Variants in KCND1 observed in about 807,000 individuals in gnomAD.
KCND1 encodes the protein A-type voltage-gated potassium channel KCND1.
KCND1 carries 11 observed loss-of-function variants against 31.8 expected under a neutral mutation model. The observed-to-expected ratio is 0.35, with a 90% CI of 0.22 to 0.57. The LOEUF is 0.57. KCND1 is among the 20% of genes least tolerant of loss of function. KCND1 has a pLI of 0.85. For synonymous variants in KCND1, 234 were observed against 248.1 expected (o/e 0.94, Z 0.53); for missense variants, 471 against 596.8 (o/e 0.79, Z 2.20).
rs782759048 is a variant in KCND1, at chrX:48,969,755, A to G, written c.517T>C (p.Trp173Arg). ...PAGSSLRQRL[W>R]RAFENPHTST... ...GTGTGTGGATTCTCGAAGGCCCGCCAGAGCCGCTGCCGCAGGGAGCTGCCT... is the reference window on the plus strand; with the variant it reads ...GTGTGTGGATTCTCGAAGGCCCGCCGGAGCCGCTGCCGCAGGGAGCTGCCT... Residue 173 changes from tryptophan (W) to arginine (R), a missense_variant, in exon 1 of 6, where the codon TGG becomes CGG. By Grantham distance (101) the Trp-to-Arg change is moderately radical (BLOSUM62 -3). Around this residue, in one of 3 missense-constraint regions of KCND1, gnomAD observed 212 missense variants for 257.9 expected, o/e 0.82. Coordinates refer to ENST00000218176, the MANE Select transcript of KCND1 (RefSeq NM_004979.6). 2 of 1,207,735 alleles carry G rather than the reference A, an allele frequency of 1.7e-6. No homozygotes were observed. The highest frequency in any genetic ancestry group is 3.5e-5 in the African/African-American group (2 of 57,457).
intron 5 of KCND1, among the ~76,000 whole-genome samples, chrX:48,965,446 CTG>C (rs1356287895): frequency 0.032 from 3,587 of 111,705 alleles, 159 homozygotes; most frequent in African/African-American, 0.11. Context: ...TGTTTATTAA[CTG>C]TCTTATCCCA....
chrX:48,962,500 C>T lies in KCND1; in HGVS notation c.*81G>A. 1 of 742,487 alleles carries T rather than the reference C, an allele frequency of 1.3e-6. No homozygotes were observed. Among genetic ancestry groups the T allele is most frequent in the Non-Finnish European group, 2.0e-6 (1 of 503,386 alleles). The allele number at this position is 742,487 out of a possible 1,213,427, so 61.2% of individuals were successfully genotyped here. On this transcript the variant is annotated 3_prime_UTR_variant, in exon 6 of 6. Coordinates refer to ENST00000218176, the MANE Select transcript of KCND1 (RefSeq NM_004979.6). ...GGCAGAAGGGGTGCCCAAGCCTGCC[C>T]CTCTCTGCCTCCCAAAAATATGGCT... is the stretch of plus-strand genomic sequence containing the variant.
At chrX:48,964,716 G>A (rs1422537605) in intron 5 of KCND1, among the ~76,000 whole-genome samples, 2 of 78,232 alleles carry the variant, frequency 2.6e-5, no homozygotes, top group South Asian at 1.4e-3. Context: ...GCAAAACTTC[G>A]TCTCAAAAAA....
Position 48,967,459 on chromosome X carries a change from G to A in KCND1, c.1122-353C>T, listed in dbSNP as rs191665374. ...GGCCAGCCGAAGGGCTTCAAGTCCC[G>A]GGAGGAGTGTTTTGTTGGTTTTGGC... On this transcript the variant is annotated intron_variant, in intron 1 of 5. Coordinates refer to ENST00000218176, the MANE Select transcript of KCND1 (RefSeq NM_004979.6). 495 of 197,469 alleles carry A rather than the reference G, an allele frequency of 2.5e-3. 1 individual carries two copies. The highest frequency in any genetic ancestry group is 0.013 in the African/African-American group (456 of 34,028). 16.3% of individuals were successfully genotyped at this position (197,469 alleles called of 1,213,427 possible). A position where few individuals can be genotyped will look rare whatever the true frequency, so the allele number is the denominator to read the frequency against.
chrX:48,966,119 T>C lies in KCND1; in HGVS notation c.1654A>G (p.Ser552Gly). The C allele has an allele frequency of 8.3e-7, 1 of 1,210,866 alleles. No individual in the cohort carries two copies. Among genetic ancestry groups the C allele is most frequent in the Non-Finnish European group, 1.1e-6 (1 of 895,319 alleles). The change falls in exon 5 of 6, where the codon AGC (serine) becomes GGC (glycine). Residue 552 changes from serine to glycine, a missense_variant. Around this residue, in one of 3 missense-constraint regions of KCND1, gnomAD observed 185 missense variants for 184.7 expected, o/e 1.00. Coordinates refer to ENST00000218176, the MANE Select transcript of KCND1 (RefSeq NM_004979.6). Reference protein sequence around the residue: ...IRLANSTASVSRGSMQELDML... With the variant: ...IRLANSTASVGRGSMQELDML... ...TCCAGCTCCTGCATGCTGCCACGGC[T>C]GACTGAGGCAGTGGAGTTGGCAAGG...
Position 48,969,725 on chromosome X carries a change from T to G in KCND1, c.547A>C (p.Thr183Pro). 8.3e-7 allele frequency: 1 copy of G among 1,208,666 alleles called. No homozygotes were observed. The highest frequency in any genetic ancestry group is 1.1e-6 in the Non-Finnish European group (1 of 894,328). Residue 183 changes from threonine to proline, a missense_variant, in exon 1 of 6, where the codon ACC (threonine) becomes CCC (proline). Thr to Pro is a conservative substitution (Grantham distance 38). This residue lies in a region of KCND1 where 212 missense variants were observed against 257.9 expected (regional missense o/e 0.82). Transcript: ENST00000218176. ...ACATAGTAGAAAACGAGGGCTGCGG[T>G]GCTCGTGTGTGGATTCTCGAAGGCC... Reference protein sequence around the residue: ...WRAFENPHTSTAALVFYYVTG... With the variant: ...WRAFENPHTSPAALVFYYVTG...
At chrX:48,968,240 C>G (rs2064364671) in intron 1 of KCND1, 1 of 112,024 alleles carries the variant, frequency 8.9e-6, no homozygotes, top group Admixed American at 9.5e-5. Context: ...ATCACAGCAT[C>G]TGCCCTAGAC....
rs937761775 is a variant in KCND1 at position 48,971,198 on chromosome X, T to C, written c.-927A>G. The C allele has an allele frequency of 1.8e-5, 2 of 110,159 alleles. No individual in the cohort carries two copies. Among genetic ancestry groups the C allele is most frequent in the Non-Finnish European group, 3.8e-5 (2 of 52,630 alleles). 9.1% of individuals were successfully genotyped at this position (110,159 alleles called of 1,213,427 possible). A position where few individuals can be genotyped will look rare whatever the true frequency, so the allele number is the denominator to read the frequency against. On this transcript the variant is annotated 5_prime_UTR_variant, in exon 1 of 6. Transcript: ENST00000218176. The stretch of plus-strand genomic sequence containing the variant: ...GCCTGGTCGACACTCTCAGGAGTTC[T>C]ACAGGGAGGAAAAAGGGGCCTGGGG...
At chrX:48,968,744 A>G (rs782579651) in intron 1 of KCND1, among the ~76,000 whole-genome samples, 1 of 112,296 alleles carries the variant, frequency 8.9e-6, no homozygotes, top group East Asian at 2.8e-4. Flanking sequence ...TGTACAGATG[A>G]GCAAACTGAA....
intron 5 of KCND1, 147 bp from the exon 6 acceptor site, chrX:48,962,953 A>T (rs1478443406): frequency 4.4e-6 from 2 of 458,137 alleles, no homozygotes; most frequent in Non-Finnish European, 3.8e-6. Context: ...CCTGACCAAC[A>T]TGATGAAACC....
At chrX:48,966,551 G>A in intron 4 of KCND1, 27 bp downstream of exon 4, 2 of 1,174,842 alleles carry the variant, frequency 1.7e-6, no homozygotes, top group Non-Finnish European at 2.3e-6. Flanking sequence ...CCTCTATTCT[G>A]CTATATCACC....
chrX:48,962,595 T>C lies in KCND1; in HGVS notation c.1930A>G (p.Ile644Val). 8.3e-7 allele frequency: 1 copy of C among 1,203,511 alleles called. No individual in the cohort carries two copies. The highest frequency in any genetic ancestry group is 1.7e-5 in the African/African-American group (1 of 57,394). ...TPCLFPETVK[I>V]SSL ...AGGCCTACCCCTCACAGGGATGAGA[T>C]CTTGACAGTCTCGGGGAAGAGGCAA... The change falls in exon 6 of 6, where the codon ATC becomes GTC. Residue 644 changes from isoleucine (I) to valine (V), a missense_variant. Physicochemically the swap from Ile to Val is conservative, Grantham distance 29. This residue lies in a region of KCND1 where 185 missense variants were observed against 184.7 expected (regional missense o/e 1.00). Coordinates refer to ENST00000218176, the MANE Select transcript of KCND1 (RefSeq NM_004979.6).
rs1327638511 is a variant in KCND1 at position 48,971,385 on chromosome X, G to T, written c.-1114C>A. ...AGTTGGGTGTGTCTCCAGGGAGGGGGGCTCCTGGGCTTTGCAGGAAGCTGG... is the reference window on the plus strand; with the variant it reads ...AGTTGGGTGTGTCTCCAGGGAGGGGTGCTCCTGGGCTTTGCAGGAAGCTGG... On this transcript the variant is annotated 5_prime_UTR_variant, in exon 1 of 6. Coordinates refer to ENST00000218176, the MANE Select transcript of KCND1 (RefSeq NM_004979.6). 1.8e-5 allele frequency: 2 copies of T among 109,936 alleles called. No individual in the cohort carries two copies. The highest frequency in any genetic ancestry group is 6.6e-5 in the African/African-American group (2 of 30,094). The allele number at this position is 109,936 out of a possible 1,213,427, so 9.1% of individuals were successfully genotyped here.
chrX:48,967,023 A>G lies in KCND1; in HGVS notation c.1205T>C (p.Leu402Pro). The change falls in exon 2 of 6, where the codon CTG becomes CCG. Residue 402 changes from leucine to proline, a missense_variant. Coordinates refer to ENST00000218176, the MANE Select transcript of KCND1 (RefSeq NM_004979.6). The part of the protein sequence containing the change: ...CSLSGVLVIA[L>P]PVPVIVSNFS... ...GTTGGACACAATGACTGGCACAGGC[A>G]GGGCAATGACCAAGACGCCACTGAG... is the stretch of plus-strand genomic sequence containing the variant. The G allele has an allele frequency of 1.7e-6, 2 of 1,210,144 alleles. No individual in the cohort carries two copies.
At chrX:48,964,388 G>A (rs987663041) in intron 5 of KCND1, among the ~76,000 whole-genome samples, 1 of 110,790 alleles carries the variant, frequency 9.0e-6, no homozygotes, top group Non-Finnish European at 1.9e-5. Flanking sequence ...GTGGTGGCGC[G>A]CACCTGTAGT....
chrX:48,966,141 A>T lies in KCND1; in HGVS notation c.1632T>A (p.Leu544=). ...GGCTGACTGAGGCAGTGGAGTTGGCAAGGCGGATGGCGCGGCGCTTGGCCC... is the reference window on the plus strand; with the variant it reads ...GGCTGACTGAGGCAGTGGAGTTGGCTAGGCGGATGGCGCGGCGCTTGGCCC... The part of the protein sequence containing the change: ...PRRAKRRAIR[L]ANSTASVSRG... Residue 544 remains leucine (L), a synonymous_variant, in exon 5 of 6, where the codon CTT becomes CTA. Coordinates refer to ENST00000218176, the MANE Select transcript of KCND1 (RefSeq NM_004979.6). 1 of 1,210,922 alleles carries T rather than the reference A, an allele frequency of 8.3e-7. No individual in the cohort carries two copies. Among genetic ancestry groups the T allele is most frequent in the Non-Finnish European group, 1.1e-6 (1 of 895,497 alleles).
Position 48,970,063 on chromosome X carries a change from TC to T in KCND1, c.208del (p.Glu70ArgfsTer26). ...GTCAGCATCGTAGAAGAATTCCTTC[TC>T]CGAGCTGCCCAGCAAGGTGTCTGGG... ...RYPDTLLGSS[E>X]KEFFYDADSG... On this transcript the variant is annotated frameshift_variant, in exon 1 of 6. Transcript: ENST00000218176. LOFTEE classifies it high-confidence loss of function. 8.3e-7 allele frequency: 1 copy of T among 1,210,460 alleles called. No individual in the cohort carries two copies. Among genetic ancestry groups the T allele is most frequent in the Non-Finnish European group, 1.1e-6 (1 of 894,697 alleles).
In KCND1 at chrX:48,962,815, A is replaced by G. The variant is rs2064330672; in HGVS notation, c.1719-9T>C. On this transcript the variant is annotated splice_polypyrimidine_tract_variant and intron_variant, in intron 5 of 5. Transcript: ENST00000218176. ...CATTGAGGCTGGAACGGCTGTGGAC[A>G]AGGGTGGAGAAGATGGAAGGCTCTT... The G allele has an allele frequency of 8.4e-7, 1 of 1,191,041 alleles. No homozygotes were observed. Among genetic ancestry groups the G allele is most frequent in the Non-Finnish European group, 1.1e-6 (1 of 878,838 alleles).
rs2064323249 is a variant in KCND1, at chrX:48,962,100, C to G, written c.*481G>C. On this transcript the variant is annotated 3_prime_UTR_variant, in exon 6 of 6. Coordinates refer to ENST00000218176, the MANE Select transcript of KCND1 (RefSeq NM_004979.6). The stretch of plus-strand genomic sequence containing the variant: ...CTTCAGAATCTGGGAATTGTTGGGC[C>G]AGATGGAGATGAGGACCTCTCGTAG... 1 of 115,518 alleles carries G rather than the reference C, an allele frequency of 8.7e-6. No homozygotes were observed. The highest frequency in any genetic ancestry group is 1.8e-5 in the Non-Finnish European group (1 of 54,940). The allele number at this position is 115,518 out of a possible 1,213,427, so 9.5% of individuals were successfully genotyped here. A position where few individuals can be genotyped will look rare whatever the true frequency, so the allele number is the denominator to read the frequency against.
Sources: gnomAD v4.1 joint callset for allele counts (sites outside exome capture counted in the v4.1 genomes callset) on GRCh38, gnomAD v4.1.1 for gene constraint, gnomAD v4.1.1 regional missense constraint, MANE v1.5 for transcripts, NCBI Gene and HGNC (gene_info 2026-07-23, HGNC 2026-07-21) for gene names.